TUSC3: variants seen among roughly 807,000 people sequenced by gnomAD.
The protein encoded by TUSC3 is dolichyl-diphosphooligosaccharide--protein glycosyltransferase subunit TUSC3.
Under a neutral mutation model 44.8 loss-of-function variants are expected in TUSC3, and 45 were observed. That is an observed-to-expected ratio of 1.00 (90% CI 0.79 to 1.29). The LOEUF (loss-of-function observed/expected upper bound fraction) is 1.29, where lower values mean the gene tolerates loss of function less well. Among genes scored for constraint, TUSC3 ranks in the 50% most tolerant of loss-of-function variants. The probability of loss-of-function intolerance (pLI) is 0.00; values close to 1 mark genes in which losing one functional copy is unlikely to be tolerated. For missense variants in TUSC3, 519 were observed against 437.9 expected (o/e 1.19, Z -1.65); for synonymous variants, 212 against 152.9 (o/e 1.39, Z -2.85).
At chr8:15,607,360 G>C (rs984039096) in intron 1 of TUSC3, among the ~76,000 whole-genome samples, 1 of 152,048 alleles carries the variant, frequency 6.6e-6, no homozygotes, top group African/African-American at 2.4e-5. Context: ...CTTTTAAGTG[G>C]CTCAAAACAG....
chr8:15,519,023 A>G (rs1801258246), intron 2 of TUSC3, among the ~76,000 whole-genome samples: 1 of 152,212 alleles, frequency 6.6e-6, no homozygotes, highest in Non-Finnish European at 1.5e-5. Context: ...ATCTGCTTAT[A>G]CAACAAAAAC....
chr8:15,659,667 A>T lies in TUSC3; in HGVS notation c.567+20A>T, dbSNP rs765472481. The T allele has an allele frequency of 9.3e-6, 15 of 1,610,890 alleles. No individual in the cohort carries two copies. Among genetic ancestry groups the T allele is most frequent in the Non-Finnish European group, 1.3e-5 (15 of 1,179,170 alleles). ...GTTCATGTATGTTTTTATTCCTCAC[A>T]GTTTTAATAATAGGCTGGTTAGTTT... On this transcript the variant is annotated intron_variant, in intron 4 of 10. Transcript: ENST00000503731.
At chr8:15,674,218 A>G (rs1212543209) in intron 6 of TUSC3, among the ~76,000 whole-genome samples, 2 of 152,084 alleles carry the variant, frequency 1.3e-5, no homozygotes, top group African/African-American at 4.8e-5. Context: ...AGAAGGGATT[A>G]AGACATTATT....
At chr8:15,836,925 C>G in the TUSC3 span, among the ~76,000 whole-genome samples, 2 of 152,140 alleles carry the variant, frequency 1.3e-5, no homozygotes, top group African/African-American at 4.8e-5. Flanking sequence ...GATATGAACA[C>G]TGTTATATAA....
At chr8:15,606,843 A>G (rs1245120073) in intron 1 of TUSC3, among the ~76,000 whole-genome samples, 2 of 152,068 alleles carry the variant, frequency 1.3e-5, no homozygotes, top group African/African-American at 4.8e-5. Context: ...GAAAGATGTT[A>G]CCAATGCATA....
At chr8:15,606,259 C>G (rs1346877617) in intron 1 of TUSC3, among the ~76,000 whole-genome samples, 1 of 151,964 alleles carries the variant, frequency 6.6e-6, no homozygotes, top group Non-Finnish European at 1.5e-5. Context: ...TGAGTAAATA[C>G]AATACAGTAC....
intron 6 of TUSC3, among the ~76,000 whole-genome samples, chr8:15,684,602 C>T (rs760949201): frequency 5.3e-5 from 8 of 152,134 alleles, no homozygotes; most frequent in Admixed American, 6.5e-5. Context: ...TGTCAGGCTG[C>T]GTTCCTCCCG....
intron 9 of TUSC3, among the ~76,000 whole-genome samples, chr8:15,752,925 A>G (rs188785277): frequency 3.5e-4 from 53 of 152,162 alleles, no homozygotes; most frequent in Admixed American, 2.6e-3. Flanking sequence ...TGACGATTTT[A>G]CTCAAGGAAA....
chr8:15,578,186 G>T (rs62504219), intron 1 of TUSC3, among the ~76,000 whole-genome samples: 21,947 of 121,176 alleles, frequency 0.18, 137 homozygotes, highest in South Asian at 0.2. Context: ...CTTTGCTGAA[G>T]TTGCTTATCA....
intron 1 of TUSC3, among the ~76,000 whole-genome samples, chr8:15,438,001 A>C (rs938858476): frequency 6.6e-6 from 1 of 152,208 alleles, no homozygotes; most frequent in East Asian, 1.9e-4. Context: ...AGGTCTTTCT[A>C]CTTCTTACCA....
At chr8:15,824,372 C>G in the TUSC3 span, among the ~76,000 whole-genome samples, 1 of 152,152 alleles carries the variant, frequency 6.6e-6, no homozygotes, top group Non-Finnish European at 1.5e-5. Flanking sequence ...TGAATATCAA[C>G]TGATGGGCTT....
intron 6 of TUSC3, among the ~76,000 whole-genome samples, chr8:15,718,470 G>A (rs1810150449): frequency 6.6e-6 from 1 of 152,106 alleles, no homozygotes; most frequent in Non-Finnish European, 1.5e-5. Flanking sequence ...ATTCAAATGG[G>A]ATATCAAGTC....
chr8:15,671,697 C>G (rs1186094300), intron 5 of TUSC3, among the ~76,000 whole-genome samples: 1 of 151,982 alleles, frequency 6.6e-6, no homozygotes, highest in African/African-American at 2.4e-5. Flanking sequence ...CTGCTATTGC[C>G]TCTTTTCCTC....
At chr8:15,668,564 T>C (rs1288633106) in intron 5 of TUSC3, among the ~76,000 whole-genome samples, 3 of 151,758 alleles carry the variant, frequency 2.0e-5, no homozygotes, top group Admixed American at 2.0e-4. Context: ...AAATCAGATA[T>C]GTATATCAGT....
chr8:15,769,153 A>G (rs1449107441), downstream of TUSC3, among the ~76,000 whole-genome samples: 1 of 152,232 alleles, frequency 6.6e-6, no homozygotes, highest in African/African-American at 2.4e-5. Context: ...AGCTGAAGGC[A>G]TCACTCTACC....
chr8:15,450,557 C>G (rs1800184492), intron 1 of TUSC3, among the ~76,000 whole-genome samples: 1 of 152,098 alleles, frequency 6.6e-6, no homozygotes, highest in African/African-American at 2.4e-5. Context: ...GTAATCCTAG[C>G]TTTTCAGGAG....
chr8:15,428,085 C>T (rs1799828067), intron 1 of TUSC3, among the ~76,000 whole-genome samples: 1 of 150,744 alleles, frequency 6.6e-6, no homozygotes, highest in Admixed American at 6.6e-5. Flanking sequence ...CGTCATTTAG[C>T]ATTAGGTATA....
At chr8:15,692,375 GTTTTTTTTTT>G (rs59838929) in intron 6 of TUSC3, among the ~76,000 whole-genome samples, 36 of 68,344 alleles carry the variant, frequency 5.3e-4, no homozygotes, top group Admixed American at 2.7e-3. Context: ...CCCCCCCTTT[GTTTTTTTTTT>G]TTTTTTTTTT....
At chr8:15,597,187 T>G (rs969406577) in intron 1 of TUSC3, among the ~76,000 whole-genome samples, 2 of 151,794 alleles carry the variant, frequency 1.3e-5, no homozygotes, top group Non-Finnish European at 2.9e-5. Flanking sequence ...AACTTGATGA[T>G]AGAGATTTGC....
Sources: allele counts gnomAD v4.1 joint callset (sites outside exome capture counted in the v4.1 genomes callset), GRCh38; gene constraint gnomAD v4.1.1; transcripts MANE v1.5; gene names NCBI Gene and HGNC (gene_info 2026-07-23, HGNC 2026-07-21).